MS4A18: variants seen among roughly 807,000 people sequenced by gnomAD.
MS4A18 encodes the protein membrane spanning 4-domains A18.
In MS4A18, 27 loss-of-function variants were observed where a neutral mutation model predicts 13.1. That is an observed-to-expected ratio of 2.06 (90% CI 1.52 to 2.84). The LOEUF is 2.84. Ranked by LOEUF, MS4A18 falls within the 30% of genes most tolerant of loss-of-function variation. The pLI is 0.00. For synonymous variants in MS4A18, 126 were observed against 76.5 expected, an observed-to-expected ratio of 1.65 and a Z score of -3.38; for missense variants, 307 against 196.4, an observed-to-expected ratio of 1.56 and a Z score of -3.37.
In MS4A18 at chr11:60,734,192, G is replaced by A. The variant is rs138253112; in HGVS notation, c.591+545G>A. Among the ~76,000 whole-genome samples the A allele has an allele frequency of 8.1e-3, 1,240 of 152,224 alleles. 22 individuals are homozygous for A. The highest frequency in any genetic ancestry group is 0.029 in the African/African-American group (1,191 of 41,514). ...GATCACCTGAGCCCAGGAGGTGGAGGCTTCAGTGAGCCATGATCACACCAC... is the reference window on the plus strand; with the variant it reads ...GATCACCTGAGCCCAGGAGGTGGAGACTTCAGTGAGCCATGATCACACCAC... On this transcript the variant is annotated intron_variant, in intron 2 of 5. Coordinates refer to ENST00000529108, the Ensembl canonical transcript of MS4A18.
At chr11:60,731,658 G>A (rs535107902) in intron 1 of MS4A18, among the ~76,000 whole-genome samples, 17 of 152,192 alleles carry the variant, frequency 1.1e-4, no homozygotes, top group South Asian at 4.1e-4. Context: ...AGTAATTCTC[G>A]ATTACTAAAA....
chr11:60,736,297 A>T (rs781762451), intron 2 of MS4A18, among the ~76,000 whole-genome samples: 2 of 148,938 alleles, frequency 1.3e-5, no homozygotes, highest in Non-Finnish European at 3.0e-5. Context: ...GAAGCTCAAG[A>T]TCTTCCTCCA....
At chr11:60,737,445 C>T (rs1466358525) in intron 3 of MS4A18, among the ~76,000 whole-genome samples, 4 of 152,188 alleles carry the variant, frequency 2.6e-5, no homozygotes, top group Admixed American at 6.5e-5. Context: ...CTGAGCCAAA[C>T]GAAAATGTGT....
upstream of MS4A18, among the ~76,000 whole-genome samples, chr11:60,727,256 G>T (rs182902933): frequency 1.2e-4 from 18 of 152,270 alleles, no homozygotes; most frequent in African/African-American, 4.3e-4. Flanking sequence ...AATGTTAACT[G>T]TTCCCTCTGT....
upstream of MS4A18, among the ~76,000 whole-genome samples, chr11:60,728,212 G>GT (rs1448815120): frequency 6.6e-6 from 1 of 152,138 alleles, no homozygotes; most frequent in Non-Finnish European, 1.5e-5. Context: ...AAGACAGTCT[G>GT]TTTTTTTGCT....
At chr11:60,729,038 AG>A (rs1306914012), upstream of MS4A18, among the ~76,000 whole-genome samples, 1 of 152,214 alleles carries the variant, frequency 6.6e-6, no homozygotes, top group African/African-American at 2.4e-5. Context: ...TGCCAACTGC[AG>A]GGGGCTAAGC....
chr11:60,732,556 A>C (rs1487024057), intron 1 of MS4A18, among the ~76,000 whole-genome samples: 1 of 151,750 alleles, frequency 6.6e-6, no homozygotes, highest in Non-Finnish European at 1.5e-5. Context: ...GGTAAACCCC[A>C]TCTCTACTAA....
upstream of MS4A18, among the ~76,000 whole-genome samples, chr11:60,725,661 A>G (rs1215645831): frequency 2.0e-5 from 3 of 152,216 alleles, no homozygotes; most frequent in Non-Finnish European, 4.4e-5. Flanking sequence ...TTTTAATATC[A>G]TGAAGCAGAG....
intron 5 of MS4A18, among the ~76,000 whole-genome samples, chr11:60,742,804 A>G (rs1239934395): frequency 6.6e-6 from 1 of 152,076 alleles, no homozygotes; most frequent in Non-Finnish European, 1.5e-5. Context: ...CTTTATCCTC[A>G]CTTTCTCACA....
At chr11:60,744,283 A>C, downstream of MS4A18, 1 of 356,784 alleles carries the variant, frequency 2.8e-6, no homozygotes, top group South Asian at 3.3e-5. Flanking sequence ...ATGTATGCTC[A>C]CTGTTGAAAA....
upstream of MS4A18, among the ~76,000 whole-genome samples, chr11:60,725,003 C>T (rs1374402332): frequency 6.6e-6 from 1 of 152,182 alleles, no homozygotes; most frequent in Non-Finnish European, 1.5e-5. Flanking sequence ...TGAAGAGTCA[C>T]AACAGGTTCT....
intron 1 of MS4A18, among the ~76,000 whole-genome samples, chr11:60,731,619 T>C (rs1853254733): frequency 6.6e-6 from 1 of 152,220 alleles, no homozygotes; most frequent in Non-Finnish European, 1.5e-5. Flanking sequence ...ATTCTGTTTT[T>C]AGTAGTAGTA....
At chr11:60,727,000 C>G (rs1853171011), upstream of MS4A18, among the ~76,000 whole-genome samples, 1 of 151,960 alleles carries the variant, frequency 6.6e-6, no homozygotes, top group Non-Finnish European at 1.5e-5. Context: ...CATTGTTTAA[C>G]TCCCACTTAT....
chr11:60,739,686 C>T (rs543977618), intron 4 of MS4A18, among the ~76,000 whole-genome samples: 77 of 152,308 alleles, frequency 5.1e-4, no homozygotes, highest in Non-Finnish European at 2.9e-5. Flanking sequence ...GGCATCAATT[C>T]CCTAGTGCTT....
At chr11:60,744,504 C>T (rs191090325), downstream of MS4A18, among the ~76,000 whole-genome samples, 44 of 151,980 alleles carry the variant, frequency 2.9e-4, no homozygotes, top group African/African-American at 1.0e-3. Flanking sequence ...ATACAATTCA[C>T]AAAAGGAAAA....
exon 6 of MS4A18, chr11:60,743,816 T>G (rs1853444059): frequency 1.4e-6 from 1 of 702,004 alleles, no homozygotes. Context: ...ACCAGCCCTG[T>G]CAACACCACC....
At chr11:60,725,224 C>T (rs560396850), upstream of MS4A18, among the ~76,000 whole-genome samples, 4 of 152,234 alleles carry the variant, frequency 2.6e-5, no homozygotes, top group South Asian at 6.2e-4. Flanking sequence ...GACGGAGTCT[C>T]GCTCTGTCAC....
At position 60,729,313 on chromosome 11, in the gene MS4A18, A is replaced by C. The variant is rs547028711; in HGVS notation, c.-3A>C. 10 of 701,576 alleles carry C rather than the reference A, an allele frequency of 1.4e-5. No homozygotes were observed. In the African/African-American group the frequency reaches 1.7e-4, roughly 12 times the overall value. The allele number at this position is 701,576 out of a possible 1,614,324, so 43.5% of individuals were successfully genotyped here. ...CTTATGTGTTTTGCAGCAGTTGTAC[A>C]CCATGACCGAACAGGTGATTGGAGC... On this transcript the variant is annotated 5_prime_UTR_variant, in exon 1 of 6. Transcript: ENST00000529108.
chr11:60,740,295 G>A (rs1853397034), intron 4 of MS4A18, among the ~76,000 whole-genome samples: 1 of 152,194 alleles, frequency 6.6e-6, no homozygotes, highest in East Asian at 1.9e-4. Flanking sequence ...GGGATGAGAG[G>A]AGCTCAGTGA....
Sources: gnomAD v4.1 joint callset for allele counts (sites outside exome capture counted in the v4.1 genomes callset) on GRCh38, gnomAD v4.1.1 for gene constraint, MANE v1.5 for transcripts, NCBI Gene and HGNC (gene_info 2026-07-23, HGNC 2026-07-21) for gene names.